The following BBS7 variants were observed in gnomAD, a reference collection of about 807,000 sequenced individuals.
BBS7 encodes Bardet-Biedl syndrome 7, also known as BBSome complex member BBS7.
A neutral mutation model predicts 90.3 loss-of-function variants in BBS7; 50 were observed. The ratio of observed to expected loss-of-function variants is 0.55; its 90% CI spans 0.44 to 0.70. BBS7 has a LOEUF of 0.70. Among genes scored for constraint, BBS7 ranks in the 30% least tolerant of loss-of-function variants. The probability of loss-of-function intolerance (pLI) is 0.00; values close to 1 mark genes in which losing one functional copy is unlikely to be tolerated. For synonymous variants in BBS7, 235 were observed against 287.4 expected, an observed-to-expected ratio of 0.82 and a Z score of 1.85; for missense variants, 729 against 838.9, an observed-to-expected ratio of 0.87 and a Z score of 1.62.
intron 3 of BBS7, among the ~76,000 whole-genome samples, chr4:121,862,690 GAGA>G (rs1727047677): frequency 6.6e-6 from 1 of 152,186 alleles, no homozygotes; most frequent in Non-Finnish European, 1.5e-5. Flanking sequence ...ACCATGTTGT[GAGA>G]AGGACTGTAA....
Position 121,825,702 on chromosome 4 carries a change from A to T in BBS7, c.*158T>A. ...TTTAGAAAGTTCAATTTGTCAAAAG[A>T]AATAGAAGCATTACTTTAAAAAGCC... On this transcript the variant is annotated 3_prime_UTR_variant, in exon 19 of 19. Transcript: ENST00000264499. 1.6e-6 allele frequency: 1 copy of T among 608,562 alleles called. No homozygotes were observed. Among genetic ancestry groups the T allele is most frequent in the Non-Finnish European group, 2.6e-6 (1 of 388,896 alleles). 37.7% of individuals were successfully genotyped at this position (608,562 alleles called of 1,614,324 possible).
intron 7 of BBS7, 107 bp downstream of exon 7, chr4:121,854,597 G>T: frequency 9.3e-7 from 1 of 1,071,158 alleles, no homozygotes; most frequent in Non-Finnish European, 1.3e-6. Flanking sequence ...GGTGTGAATT[G>T]CTAAGTCTGC....
intron 13 of BBS7, among the ~76,000 whole-genome samples, chr4:121,837,897 G>A (rs915231279): frequency 6.6e-6 from 1 of 152,090 alleles, no homozygotes; most frequent in African/African-American, 2.4e-5. Context: ...CTGAGGTCAG[G>A]AGTTCGAGAC....
At chr4:121,847,002 A>T (rs1726042521) in intron 10 of BBS7, among the ~76,000 whole-genome samples, 1 of 152,204 alleles carries the variant, frequency 6.6e-6, no homozygotes, top group South Asian at 2.1e-4. Flanking sequence ...GAAAATTTAC[A>T]AGCCAACATT....
intron 8 of BBS7, 103 bp from the exon 9 acceptor site, chr4:121,849,031 A>AT: frequency 1.2e-6 from 1 of 818,464 alleles, no homozygotes; most frequent in Non-Finnish European, 2.1e-6. Context: ...CATTCAACAT[A>AT]TATTTACTGA....
intron 2 of BBS7, among the ~76,000 whole-genome samples, chr4:121,863,968 G>C (rs543014798): frequency 2.0e-5 from 3 of 152,330 alleles, no homozygotes; most frequent in East Asian, 3.9e-4. Flanking sequence ...CACAGCAGGA[G>C]GTGAGCAGCG....
In BBS7 at chr4:121,824,698, G is replaced by GT. The variant is rs1463800561; in HGVS notation, c.*1161dup. 5.9e-5 allele frequency: 9 copies of GT among 151,888 alleles called. No homozygotes were observed. The highest frequency in any genetic ancestry group is 2.6e-4 in the Admixed American group (4 of 15,252). 9.4% of individuals were successfully genotyped at this position (151,888 alleles called of 1,614,324 possible). On this transcript the variant is annotated 3_prime_UTR_variant, in exon 19 of 19. Coordinates refer to ENST00000264499, the MANE Select transcript of BBS7 (RefSeq NM_176824.3). This position sits in a 1 kb window ranked among gnomAD's most constrained non-coding sequence, Gnocchi z 4.1. ...TAATTATGTTCCTTTCAGAAGTAAA[G>GT]TTTTTTAAACATAGTAAAAACAATA... is the stretch of plus-strand genomic sequence containing the variant.
chr4:121,829,428 G>A (rs547084983), intron 15 of BBS7, among the ~76,000 whole-genome samples: 16 of 152,180 alleles, frequency 1.1e-4, no homozygotes, highest in South Asian at 8.3e-4. Flanking sequence ...GTAGAGATGG[G>A]GGTCTCACCA....
chr4:121,866,151 TAA>T (rs538484397), intron 2 of BBS7, among the ~76,000 whole-genome samples: 105 of 152,312 alleles, frequency 6.9e-4, no homozygotes, highest in African/African-American at 2.1e-3. Flanking sequence ...GCAAATATTT[TAA>T]ATCCCATTCT....
At chr4:121,863,974 CAGCGGGAAAGTGA>C (rs1365315234) in intron 2 of BBS7, among the ~76,000 whole-genome samples, 2 of 152,206 alleles carry the variant, frequency 1.3e-5, no homozygotes, top group Non-Finnish European at 2.9e-5. Flanking sequence ...AGGAGGTGAG[CAGCGGGAAAGTGA>C]TCATTTACAG....
chr4:121,828,832 T>C (rs1725036318), intron 15 of BBS7, 104 bp from the exon 16 acceptor site: 1 of 734,008 alleles, frequency 1.4e-6, no homozygotes, highest in Admixed American at 3.0e-5. Flanking sequence ...CATTTGACTG[T>C]AGATTTCTTC....
chr4:121,861,482 CAA>C lies in BBS7; in HGVS notation c.341+20_341+21del, dbSNP rs755362565. 1.7e-5 allele frequency: 27 copies of C among 1,600,520 alleles called. No homozygotes were observed. In the African/African-American group the frequency reaches 3.4e-4, roughly 20 times the overall value. On this transcript the variant is annotated intron_variant, in intron 4 of 18. Coordinates refer to ENST00000264499, the MANE Select transcript of BBS7 (RefSeq NM_176824.3). Reference sequence around the variant, plus strand: ...TATTATAAATAAGTATGTAAAAATACAAAAGAGAACAAAAGACATACATAGCT... The same window carrying C: ...TATTATAAATAAGTATGTAAAAATACAAGAGAACAAAAGACATACATAGCT...
intron 18 of BBS7, among the ~76,000 whole-genome samples, chr4:121,826,444 G>A (rs1468103118): frequency 6.6e-6 from 1 of 152,030 alleles, no homozygotes; most frequent in Non-Finnish European, 1.5e-5. Context: ...CAAAGATCTG[G>A]GCAAATCATT....
intron 8 of BBS7, among the ~76,000 whole-genome samples, chr4:121,852,270 C>T (rs1182637670): frequency 6.6e-6 from 1 of 152,096 alleles, no homozygotes; most frequent in Non-Finnish European, 1.5e-5. Context: ...AAATTAGACT[C>T]AGTTGACACT....
At chr4:121,869,666 G>A (rs1220726331) in intron 1 of BBS7, among the ~76,000 whole-genome samples, 1 of 152,100 alleles carries the variant, frequency 6.6e-6, no homozygotes, top group Non-Finnish European at 1.5e-5. Context: ...AACCTCCCGA[G>A]TACCTGGGAT....
Position 121,854,813 on chromosome 4 carries a change from A to G in BBS7, c.609T>C (p.Ser203=). The G allele has an allele frequency of 1.9e-6, 3 of 1,611,438 alleles. No individual in the cohort carries two copies. The highest frequency in any genetic ancestry group is 2.5e-6 in the Non-Finnish European group (3 of 1,178,196). ...LALHNGNGGD[S]GEDLLFGTSD... ...ATGTCCCAAACAAAAGGTCTTCTCC[A>G]GAGTCACCTACTTATAATTAAAGTC... is the stretch of plus-strand genomic sequence containing the variant. The change falls in exon 7 of 19, where the codon TCT becomes TCC. Residue 203 remains serine, a synonymous_variant. Transcript: ENST00000264499.
intron 18 of BBS7, 90 bp from the exon 19 acceptor site, chr4:121,826,083 T>A: frequency 9.3e-7 from 1 of 1,073,884 alleles, no homozygotes; most frequent in Non-Finnish European, 1.4e-6. Flanking sequence ...ATAATCTATT[T>A]TTAAGCACCT....
chr4:121,825,854 T>G lies in BBS7; in HGVS notation c.*6A>C, dbSNP rs934845806. ...CACTTCTTTGGGACTTTACCTTATT[T>G]GTATGTCATGCTGCATCGAAGAATG... On this transcript the variant is annotated 3_prime_UTR_variant, in exon 19 of 19. Coordinates refer to ENST00000264499, the MANE Select transcript of BBS7 (RefSeq NM_176824.3). 1 of 1,612,788 alleles carries G rather than the reference T, an allele frequency of 6.2e-7. No homozygotes were observed. Among genetic ancestry groups the G allele is most frequent in the Non-Finnish European group, 8.5e-7 (1 of 1,179,500 alleles).
In BBS7 at chr4:121,828,424, A is replaced by G; in HGVS notation, c.1868T>C (p.Val623Ala). 1 of 1,613,938 alleles carries G rather than the reference A, an allele frequency of 6.2e-7. No homozygotes were observed. The highest frequency in any genetic ancestry group is 1.1e-5 in the South Asian group (1 of 91,072). The change falls in exon 17 of 19, where the codon GTG becomes GCG. Residue 623 changes from valine to alanine, a missense_variant. By Grantham distance (64) the Val-to-Ala change is moderately conservative. Coordinates refer to ENST00000264499, the MANE Select transcript of BBS7 (RefSeq NM_176824.3). The stretch of plus-strand genomic sequence containing the variant: ...TACTTTTAAAGCATCAATTAACTGC[A>G]CTTTCTTAGCCAAAAGCAACTGGTA... Reference protein sequence around the residue: ...LEYQLLLAKKVQLIDALKELQ... With the variant: ...LEYQLLLAKKAQLIDALKELQ...
Sources: allele counts gnomAD v4.1 joint callset (sites outside exome capture counted in the v4.1 genomes callset), GRCh38; gene constraint gnomAD v4.1.1; non-coding constraint Gnocchi (gnomAD v3.1); transcripts MANE v1.5; gene names NCBI Gene and HGNC (gene_info 2026-07-23, HGNC 2026-07-21).